ATXN1: variants seen among roughly 807,000 people sequenced by gnomAD.
The protein encoded by ATXN1 is ataxin-1.
A neutral mutation model predicts 56.4 loss-of-function variants in ATXN1; 8 were observed. The ratio of observed to expected loss-of-function variants is 0.14; its 90% CI spans 0.08 to 0.26. The LOEUF is 0.26. Ranked by LOEUF, ATXN1 falls within the 10% of genes least tolerant of loss-of-function variation. The pLI is 1.00. For synonymous variants in ATXN1, 514 were observed against 494.6 expected (o/e 1.04, Z -0.52); for missense variants, 987 against 1,106.5 (o/e 0.89, Z 1.53).
chr6:16,576,198 G>A (rs1395662890), intron 4 of ATXN1, among the ~76,000 whole-genome samples: 1 of 152,044 alleles, frequency 6.6e-6, no homozygotes, highest in Non-Finnish European at 1.5e-5. Context: ...GAGCAAATAA[G>A]GAATATCATC....
chr6:16,611,016 C>A (rs905564161), intron 3 of ATXN1, among the ~76,000 whole-genome samples: 3 of 151,998 alleles, frequency 2.0e-5, no homozygotes, highest in Admixed American at 1.3e-4. Flanking sequence ...CACCACAGAG[C>A]AAGACCCTGT....
intron 6 of ATXN1, among the ~76,000 whole-genome samples, chr6:16,467,674 T>C (rs1438537916): frequency 6.6e-6 from 1 of 152,248 alleles, no homozygotes; most frequent in East Asian, 1.9e-4. Context: ...ACATTCACTA[T>C]AGCTATTTAC....
intron 5 of ATXN1, among the ~76,000 whole-genome samples, chr6:16,507,629 T>A (rs983061633): frequency 2.0e-5 from 3 of 152,218 alleles, no homozygotes; most frequent in Non-Finnish European, 4.4e-5. Flanking sequence ...CTAAGTACCC[T>A]TAATTTTTGA....
Position 16,743,324 on chromosome 6 carries a change from C to A in ATXN1, c.-615+9909G>T, listed in dbSNP as rs570720089. On this transcript the variant is annotated intron_variant, in intron 2 of 7. Coordinates refer to ENST00000436367, the MANE Select transcript of ATXN1 (RefSeq NM_001128164.2). ...GACCTTTCTTTCTCCTTAGCACAGG[C>A]TTCTTACACATTTTTGTCACCTTTT... 1.8e-4 allele frequency among the ~76,000 whole-genome samples: 28 copies of A among 152,332 alleles called. No individual in the cohort carries two copies. The South Asian group carries it at 5.8e-3, about 32-fold the overall frequency.
chr6:16,415,644 T>C (rs1758888047), intron 6 of ATXN1, among the ~76,000 whole-genome samples: 1 of 152,256 alleles, frequency 6.6e-6, no homozygotes, highest in Admixed American at 6.5e-5. Context: ...GAGTGAGTCC[T>C]GCCTGGTTCT....
At position 16,614,694 on chromosome 6, in the gene ATXN1, G is replaced by A. The variant is rs150441496; in HGVS notation, c.-488-28787C>T. Among the ~76,000 whole-genome samples the A allele has an allele frequency of 5.9e-3, 898 of 151,768 alleles. 32 individuals carry two copies. Among genetic ancestry groups the A allele is most frequent in the African/African-American group, 0.02 (845 of 41,284 alleles). On this transcript the variant is annotated intron_variant, in intron 3 of 7. Transcript: ENST00000436367. Reference sequence around the variant, plus strand: ...CCCCAGCACTTTGGGAGGCTGAAGCGGGTGGATCACTTGAGGTCAGGAGTT... The same window carrying A: ...CCCCAGCACTTTGGGAGGCTGAAGCAGGTGGATCACTTGAGGTCAGGAGTT...
At chr6:16,587,581 C>T (rs977612307) in intron 3 of ATXN1, among the ~76,000 whole-genome samples, 1 of 152,192 alleles carries the variant, frequency 6.6e-6, no homozygotes, top group Non-Finnish European at 1.5e-5. Flanking sequence ...TCTGCCTTTG[C>T]ATATGACACT....
At chr6:16,433,915 A>G (rs1759338751) in intron 6 of ATXN1, among the ~76,000 whole-genome samples, 1 of 152,228 alleles carries the variant, frequency 6.6e-6, no homozygotes, top group Admixed American at 6.5e-5. Context: ...CTCTAACCTC[A>G]GAGAATTTTT....
At chr6:16,460,960 G>C (rs1759980937) in intron 6 of ATXN1, among the ~76,000 whole-genome samples, 1 of 152,216 alleles carries the variant, frequency 6.6e-6, no homozygotes, top group Non-Finnish European at 1.5e-5. Flanking sequence ...TGGAAAGAAA[G>C]GGAGTTCCTA....
At chr6:16,401,830 C>G (rs555049181) in intron 6 of ATXN1, among the ~76,000 whole-genome samples, 1 of 152,090 alleles carries the variant, frequency 6.6e-6, no homozygotes, top group Non-Finnish European at 1.5e-5. Context: ...AACCACCAGT[C>G]GTATTAGTCC....
intron 6 of ATXN1, among the ~76,000 whole-genome samples, chr6:16,396,745 T>C (rs1361498183): frequency 6.6e-6 from 1 of 152,182 alleles, no homozygotes; most frequent in East Asian, 1.9e-4. Context: ...TCCTGCAAGC[T>C]CCATTCATGG....
rs1760066539 is a variant in ATXN1, at chr6:16,300,804, T to G, written c.*5525A>C. On this transcript the variant is annotated 3_prime_UTR_variant, in exon 8 of 8. Transcript: ENST00000436367. Reference sequence around the variant, plus strand: ...AGTGCTGAAAATGTCAAACATCATCTCTGAAGAAAAAGAAGTTGCAATGGC... The same window carrying G: ...AGTGCTGAAAATGTCAAACATCATCGCTGAAGAAAAAGAAGTTGCAATGGC... 1 of 152,552 alleles carries G rather than the reference T, an allele frequency of 6.6e-6. No homozygotes were observed. Among genetic ancestry groups the G allele is most frequent in the Admixed American group, 6.5e-5 (1 of 15,284 alleles). 9.4% of individuals were successfully genotyped at this position (152,552 alleles called of 1,614,324 possible). A position where few individuals can be genotyped will look rare whatever the true frequency, so the allele number is the denominator to read the frequency against.
chr6:16,535,023 A>C (rs916286111), intron 4 of ATXN1, among the ~76,000 whole-genome samples: 3 of 152,250 alleles, frequency 2.0e-5, no homozygotes, highest in African/African-American at 7.2e-5. Context: ...ATTGAGCTGA[A>C]TAAATGAAAT....
chr6:16,692,188 G>A (rs542220390), intron 2 of ATXN1, among the ~76,000 whole-genome samples: 8 of 152,288 alleles, frequency 5.3e-5, no homozygotes, highest in Admixed American at 3.3e-4. Flanking sequence ...CCTGGGAGGC[G>A]GAGGTTGCAG....
In ATXN1 at chr6:16,304,344, G is replaced by A. The variant is rs1409113111; in HGVS notation, c.*1985C>T. On this transcript the variant is annotated 3_prime_UTR_variant, in exon 8 of 8. Coordinates refer to ENST00000436367, the MANE Select transcript of ATXN1 (RefSeq NM_001128164.2). ...AAAGATGCATTCAAAACCCACAAAT[G>A]ATATTTCGGATCTCTGGGAATGAAA... 6.6e-6 allele frequency: 1 copy of A among 151,830 alleles called. No individual in the cohort carries two copies. The highest frequency in any genetic ancestry group is 6.6e-5 in the Admixed American group (1 of 15,168). 9.4% of individuals were successfully genotyped at this position (151,830 alleles called of 1,614,324 possible).
At chr6:16,474,645 G>A (rs1760289113) in intron 6 of ATXN1, among the ~76,000 whole-genome samples, 1 of 152,164 alleles carries the variant, frequency 6.6e-6, no homozygotes, top group South Asian at 2.1e-4. Context: ...CCTCATTCAA[G>A]TCTGAGGATG....
At chr6:16,348,094 T>G (rs1271544057) in intron 6 of ATXN1, among the ~76,000 whole-genome samples, 1 of 152,178 alleles carries the variant, frequency 6.6e-6, no homozygotes, top group African/African-American at 2.4e-5. Context: ...TTGAAGTCAG[T>G]GAGACCAAGA....
At chr6:16,756,602 T>C (rs1186222477) in intron 1 of ATXN1, among the ~76,000 whole-genome samples, 4 of 152,212 alleles carry the variant, frequency 2.6e-5, no homozygotes, top group Non-Finnish European at 5.9e-5. Flanking sequence ...TCACAGAAAC[T>C]AATCATTCGA....
chr6:16,335,016 G>C (rs1761084835), intron 6 of ATXN1, among the ~76,000 whole-genome samples: 1 of 152,254 alleles, frequency 6.6e-6, no homozygotes, highest in African/African-American at 2.4e-5. Context: ...GTCACCCCAA[G>C]GGTCAGGATA....
Sources: gnomAD v4.1 joint callset for allele counts (sites outside exome capture counted in the v4.1 genomes callset) on GRCh38, gnomAD v4.1.1 for gene constraint, MANE v1.5 for transcripts, NCBI Gene and HGNC (gene_info 2026-07-23, HGNC 2026-07-21) for gene names.